EVPLL: variants seen among roughly 807,000 people sequenced by gnomAD.
The protein encoded by EVPLL is envoplakin like.
In EVPLL, 39 loss-of-function variants were observed where a neutral mutation model predicts 46.2. The ratio of observed to expected loss-of-function variants is 0.84; its 90% CI spans 0.65 to 1.10. The LOEUF (loss-of-function observed/expected upper bound fraction) is 1.10, where lower values mean the gene tolerates loss of function less well. EVPLL is among the 50% of genes least tolerant of loss of function. The pLI is 0.00. For synonymous variants in EVPLL, 156 were observed against 165.8 expected, an observed-to-expected ratio of 0.94 and a Z score of 0.46; for missense variants, 385 against 412.6, an observed-to-expected ratio of 0.93 and a Z score of 0.58.
intron 1 of EVPLL, among the ~76,000 whole-genome samples, chr17:18,378,708 G>C (rs1987463669): frequency 6.6e-6 from 1 of 151,856 alleles, no homozygotes; most frequent in African/African-American, 2.4e-5. Flanking sequence ...CTTGAGCCCA[G>C]GAGTTTGAGG....
intron 4 of EVPLL, chr17:18,382,237 A>T: frequency 2.5e-6 from 1 of 398,342 alleles, no homozygotes; most frequent in Admixed American, 3.7e-5. Flanking sequence ...TGGGTCACAG[A>T]CAAGGCAGGA....
intron 9 of EVPLL, 138 bp downstream of exon 9, chr17:18,383,725 C>T: frequency 1.3e-6 from 1 of 753,874 alleles, no homozygotes; most frequent in Non-Finnish European, 2.2e-6. Flanking sequence ...GTAATCCCAG[C>T]ACTTTGGGAG....
Position 18,381,124 on chromosome 17 carries a change from C to T in EVPLL, c.63+124C>T. On this transcript the variant is annotated intron_variant, in intron 2 of 10. Transcript: ENST00000399134. This position sits in a 1 kb window ranked among gnomAD's most constrained non-coding sequence, Gnocchi z 4.2. ...TGAAGATGGGACAGATGACATTTGT[C>T]CTGCACCGCCTGTCCCCTAACACAC... 1 of 1,267,710 alleles carries T rather than the reference C, an allele frequency of 7.9e-7. No individual in the cohort carries two copies. Among genetic ancestry groups the T allele is most frequent in the Non-Finnish European group, 1.1e-6 (1 of 905,670 alleles). The allele number at this position is 1,267,710 out of a possible 1,614,324, so 78.5% of individuals were successfully genotyped here. A position where few individuals can be genotyped will look rare whatever the true frequency, so the allele number is the denominator to read the frequency against.
chr17:18,381,906 C>A lies in EVPLL; in HGVS notation c.346+176C>A. On this transcript the variant is annotated intron_variant, in intron 4 of 10. Transcript: ENST00000399134. This position sits in a 1 kb window ranked among gnomAD's most constrained non-coding sequence, Gnocchi z 4.2. ...GGAAGACTTCCTGTAGGAGGAGGCA[C>A]ATGAAGAGACCTCAGAGGGGTGAGA... The A allele has an allele frequency of 9.8e-7, 1 of 1,018,356 alleles. No homozygotes were observed. Among genetic ancestry groups the A allele is most frequent in the Non-Finnish European group, 1.4e-6 (1 of 699,388 alleles). The allele number at this position is 1,018,356 out of a possible 1,614,324, so 63.1% of individuals were successfully genotyped here.
chr17:18,381,779 A>G lies in EVPLL; in HGVS notation c.346+49A>G, dbSNP rs760271652. ...CAGTGTGATCAGAGGGTGATACGGA[A>G]CTGCATTTAACCCAGGGCCTGACTG... On this transcript the variant is annotated intron_variant, in intron 4 of 10. Coordinates refer to ENST00000399134, the MANE Select transcript of EVPLL (RefSeq NM_001145127.2). This position sits in a 1 kb window ranked among gnomAD's most constrained non-coding sequence, Gnocchi z 4.2. 1 of 1,612,880 alleles carries G rather than the reference A, an allele frequency of 6.2e-7. No homozygotes were observed. The highest frequency in any genetic ancestry group is 8.5e-7 in the Non-Finnish European group (1 of 1,179,612).
chr17:18,386,775 C>A (rs1361672086), intron 9 of EVPLL, among the ~76,000 whole-genome samples: 2 of 152,200 alleles, frequency 1.3e-5, no homozygotes, highest in East Asian at 1.9e-4. Context: ...ACCCAAGGGG[C>A]TCTATAGGGT....
At chr17:18,379,677 GCAT>G (rs1987495878) in intron 1 of EVPLL, among the ~76,000 whole-genome samples, 2 of 152,216 alleles carry the variant, frequency 1.3e-5, no homozygotes, top group African/African-American at 2.4e-5. Flanking sequence ...AGCACTTACT[GCAT>G]GCCAGGACTG....
Position 18,380,979 on chromosome 17 carries a change from G to C in EVPLL, c.42G>C (p.Glu14Asp). 5 of 1,595,428 alleles carry C rather than the reference G, an allele frequency of 3.1e-6. No individual in the cohort carries two copies. Among genetic ancestry groups the C allele is most frequent in the Non-Finnish European group, 4.3e-6 (5 of 1,171,692 alleles). Reference sequence around the variant, plus strand: ...ACCAGGTGGAGCGGGACATCCTGGAGACGCAGAAGAGGCTGCAGCAGGTGA... The same window carrying C: ...ACCAGGTGGAGCGGGACATCCTGGACACGCAGAAGAGGCTGCAGCAGGTGA... Reference protein sequence around the residue: ...SADQVERDILETQKRLQQDRL... With the variant: ...SADQVERDILDTQKRLQQDRL... Residue 14 changes from glutamate to aspartate, a missense_variant, in exon 2 of 11, where the codon GAG becomes GAC. Transcript: ENST00000399134.
At position 18,383,201 on chromosome 17, in the gene EVPLL, T is replaced by C. The variant is rs768988378; in HGVS notation, c.672+16T>C. ...GGAATACGAGGTCGGCTGGCAGAGG[T>C]TGGGGCCAGGCGGGGGCGACCAGGG... On this transcript the variant is annotated intron_variant, in intron 7 of 10. Transcript: ENST00000399134. 2.6e-6 allele frequency: 4 copies of C among 1,546,296 alleles called. No homozygotes were observed. The highest frequency in any genetic ancestry group is 2.6e-6 in the Non-Finnish European group (3 of 1,150,766).
chr17:18,384,265 C>T (rs1363587473), intron 9 of EVPLL, among the ~76,000 whole-genome samples: 1 of 151,830 alleles, frequency 6.6e-6, no homozygotes, highest in Non-Finnish European at 1.5e-5. Flanking sequence ...CCAGTAGTTC[C>T]AGACCAGCCT....
Position 18,381,897 on chromosome 17 carries a change from G to C in EVPLL, c.346+167G>C. 1 of 1,132,120 alleles carries C rather than the reference G, an allele frequency of 8.8e-7. No homozygotes were observed. Among genetic ancestry groups the C allele is most frequent in the Non-Finnish European group, 1.3e-6 (1 of 798,930 alleles). The allele number at this position is 1,132,120 out of a possible 1,614,324, so 70.1% of individuals were successfully genotyped here. A position where few individuals can be genotyped will look rare whatever the true frequency, so the allele number is the denominator to read the frequency against. ...TGCAGTCAGGGAAGACTTCCTGTAG[G>C]AGGAGGCACATGAAGAGACCTCAGA... On this transcript the variant is annotated intron_variant, in intron 4 of 10. Coordinates refer to ENST00000399134, the MANE Select transcript of EVPLL (RefSeq NM_001145127.2). This position sits in a 1 kb window ranked among gnomAD's most constrained non-coding sequence, Gnocchi z 4.2.
In EVPLL at chr17:18,385,056, A is replaced by G. The variant is rs1204600975; in HGVS notation, c.876+1469A>G. 2.6e-5 allele frequency among the ~76,000 whole-genome samples: 4 copies of G among 151,502 alleles called. No homozygotes were observed. The East Asian group carries it at 5.8e-4, about 22-fold the overall frequency. On this transcript the variant is annotated intron_variant, in intron 9 of 10. Transcript: ENST00000399134. ...GAAGCCAGAGAGGCAGAGGGGGAGA[A>G]AGGGAGAGAGGGAGAGAGAGACAGA...
chr17:18,382,423 C>T (rs1987608894), intron 4 of EVPLL, 90 bp from the exon 5 acceptor site: 1 of 1,519,688 alleles, frequency 6.6e-7, no homozygotes, highest in Admixed American at 2.0e-5. Context: ...GCCCAAATGA[C>T]CAAGTCCACT....
In EVPLL at chr17:18,382,655, G is replaced by A; in HGVS notation, c.472+17G>A. The A allele has an allele frequency of 6.4e-7, 1 of 1,551,358 alleles. No homozygotes were observed. Among genetic ancestry groups the A allele is most frequent in the Non-Finnish European group, 8.7e-7 (1 of 1,146,854 alleles). ...GTGGGGCCGGTGGGTGAGCCGGGAA[G>A]ATGTTACATCCGGGGCCAGCCCCAG... On this transcript the variant is annotated intron_variant, in intron 5 of 10. Transcript: ENST00000399134.
In EVPLL at chr17:18,383,396, C is replaced by T. The variant is rs757826582; in HGVS notation, c.780+18C>T. 7.1e-6 allele frequency: 9 copies of T among 1,264,842 alleles called. No individual in the cohort carries two copies. The highest frequency in any genetic ancestry group is 9.4e-6 in the Non-Finnish European group (9 of 956,418). The allele number at this position is 1,264,842 out of a possible 1,614,324, so 78.4% of individuals were successfully genotyped here. ...CCATCCAGGTGCGCTGGGGGCAGGG[C>T]GAGAGTGAGAAGGGACGTGGTGGGC... On this transcript the variant is annotated intron_variant, in intron 8 of 10. Transcript: ENST00000399134.
rs1409925482 is a variant in EVPLL at position 18,383,036 on chromosome 17, G to A, written c.523G>A (p.Val175Met). The change falls in exon 7 of 11, where the codon GTG becomes ATG. Residue 175 changes from valine to methionine, a missense_variant. Coordinates refer to ENST00000399134, the MANE Select transcript of EVPLL (RefSeq NM_001145127.2). Reference sequence around the variant, plus strand: ...GGTCCTGAGCACAGAGGGCGGCGTCGTGGCGCGGGCAGAGCCTGGGCAGCC... The same window carrying A: ...GGTCCTGAGCACAGAGGGCGGCGTCATGGCGCGGGCAGAGCCTGGGCAGCC... ...PIPRPTEGGV[V>M]ARAEPGQPVH... is the part of the protein sequence containing the mutation. 3.2e-6 allele frequency: 5 copies of A among 1,558,246 alleles called. No homozygotes were observed. Among genetic ancestry groups the A allele is most frequent in the Non-Finnish European group, 4.3e-6 (5 of 1,157,734 alleles).
At chr17:18,382,217 G>A (rs1463455473) in intron 4 of EVPLL, 1 of 378,550 alleles carries the variant, frequency 2.6e-6, no homozygotes, top group Non-Finnish European at 5.0e-6. Flanking sequence ...CAGGCAGGAA[G>A]CACTGAGGCT....
At chr17:18,385,061 A>G (rs1273085571) in intron 9 of EVPLL, among the ~76,000 whole-genome samples, 1 of 151,698 alleles carries the variant, frequency 6.6e-6, no homozygotes, top group Non-Finnish European at 1.5e-5. Flanking sequence ...GGAGAAAGGG[A>G]GAGAGGGAGA....
intron 9 of EVPLL, among the ~76,000 whole-genome samples, chr17:18,385,149 G>A (rs1360794067): frequency 4.7e-5 from 7 of 149,486 alleles, no homozygotes; most frequent in Non-Finnish European, 7.4e-5. Context: ...CCTAACTGCA[G>A]GTGCAATAAA....
Sources: gnomAD v4.1 joint callset for allele counts (sites outside exome capture counted in the v4.1 genomes callset) on GRCh38, gnomAD v4.1.1 for gene constraint, Gnocchi (gnomAD v3.1) non-coding constraint, MANE v1.5 for transcripts, NCBI Gene and HGNC (gene_info 2026-07-23, HGNC 2026-07-21) for gene names.